PIEZO2: variants seen among roughly 807,000 people sequenced by gnomAD.
PIEZO2 encodes the protein piezo-type mechanosensitive ion channel component 2.
Under a neutral mutation model 337.3 loss-of-function variants are expected in PIEZO2, and 172 were observed. The ratio of observed to expected loss-of-function variants is 0.51; its 90% confidence interval spans 0.45 to 0.58. The LOEUF (loss-of-function observed/expected upper bound fraction) is 0.58. PIEZO2 is among the 20% of genes least tolerant of loss of function. The pLI, the probability that PIEZO2 is intolerant of heterozygous loss-of-function variation, is 0.00. For missense variants in PIEZO2, 3,028 were observed against 3,391.3 expected (o/e 0.89, Z 2.66); for synonymous variants, 1,251 against 1,228.5 (o/e 1.02, Z -0.38).
At chr18:10,936,423 T>A (rs935252897) in intron 3 of PIEZO2, among the ~76,000 whole-genome samples, 14 of 152,054 alleles carry the variant, frequency 9.2e-5, no homozygotes, top group South Asian at 2.1e-4. Flanking sequence ...AAATTTTTTT[T>A]AAAAAGAACA....
In PIEZO2 at chr18:11,002,891, T is replaced by C. The variant is rs973394918; in HGVS notation, c.161-23231A>G. 6.6e-6 allele frequency among the ~76,000 whole-genome samples: 1 copy of C among 152,180 alleles called. No homozygotes were observed. Among genetic ancestry groups the C allele is most frequent in the African/African-American group, 2.4e-5 (1 of 41,448 alleles). ...GCAGGTTCAGCAGAGAACAGACCAA[T>C]AGAAACATCCAATGGGGATGTAAAG... is the stretch of plus-strand genomic sequence containing the variant. On this transcript the variant is annotated intron_variant, in intron 2 of 55. Transcript: ENST00000674853. This position sits in a 1 kb window ranked among gnomAD's most constrained non-coding sequence, Gnocchi z 4.3.
intron 3 of PIEZO2, among the ~76,000 whole-genome samples, chr18:10,970,262 C>G (rs2034180270): frequency 6.6e-6 from 1 of 152,102 alleles, no homozygotes; most frequent in Non-Finnish European, 1.5e-5. Context: ...ATAACATGGG[C>G]AAAGGCATGG....
At position 10,954,007 on chromosome 18, in the gene PIEZO2, G is replaced by C. The variant is rs2033416334; in HGVS notation, c.286+25528C>G. Among the ~76,000 whole-genome samples the C allele has an allele frequency of 6.6e-6, 1 of 152,192 alleles. No individual in the cohort carries two copies. Among genetic ancestry groups the C allele is most frequent in the Non-Finnish European group, 1.5e-5 (1 of 68,044 alleles). On this transcript the variant is annotated intron_variant, in intron 3 of 55. Coordinates refer to ENST00000674853, the MANE Select transcript of PIEZO2 (RefSeq NM_001378183.1). This position sits in a 1 kb window ranked among gnomAD's most constrained non-coding sequence, Gnocchi z 4.2. ...ACAGGGTCACATCTGCTGAAAGCAG[G>C]GAACTCACAATATGGCCTTTAGGGT...
intron 3 of PIEZO2, among the ~76,000 whole-genome samples, chr18:10,951,201 C>T (rs1178114137): frequency 2.6e-5 from 4 of 152,086 alleles, no homozygotes; most frequent in African/African-American, 9.7e-5. Context: ...TTCCAGCTTT[C>T]CAAAACTTTA....
chr18:10,677,300 C>T lies in PIEZO2; in HGVS notation c.8081+447G>A, dbSNP rs183369543. 7.2e-5 allele frequency among the ~76,000 whole-genome samples: 11 copies of T among 152,308 alleles called. No individual in the cohort carries two copies. The highest frequency in any genetic ancestry group is 5.2e-4 in the Admixed American group (8 of 15,302). On this transcript the variant is annotated intron_variant, in intron 53 of 55. Coordinates refer to ENST00000674853, the MANE Select transcript of PIEZO2 (RefSeq NM_001378183.1). This position sits in a 1 kb window ranked among gnomAD's most constrained non-coding sequence, Gnocchi z 4.1. ...TGCTGCGATCTAGGCTCACTGCAAC[C>T]TCTGCCTCAAGAATTCAAGTGATTC...
intron 1 of PIEZO2, among the ~76,000 whole-genome samples, chr18:11,085,829 A>C (rs980250931): frequency 8.2e-6 from 1 of 121,802 alleles, no homozygotes; most frequent in Non-Finnish European, 1.6e-5. Context: ...AAAAAGTGCT[A>C]CTTTGGCAAG....
At position 10,705,450 on chromosome 18, in the gene PIEZO2, G is replaced by T; in HGVS notation, c.5885C>A (p.Ala1962Glu). ...HLSFGSQDDS[A>E]GKNRMAVSPD... ...GCTGACTGCCATACGGTTCTTGCCTGCAGAGTCGTCCTGCGAGCCGAAGGA... is the reference window on the plus strand; with the variant it reads ...GCTGACTGCCATACGGTTCTTGCCTTCAGAGTCGTCCTGCGAGCCGAAGGA... The change falls in exon 41 of 56, where the codon GCA becomes GAA. Residue 1962 changes from alanine to glutamate, a missense_variant. Physicochemically the swap from Ala to Glu is moderately radical, Grantham distance 107. Transcript: ENST00000674853. 6.5e-7 allele frequency: 1 copy of T among 1,537,256 alleles called. No individual in the cohort carries two copies. Among genetic ancestry groups the T allele is most frequent in the Non-Finnish European group, 8.7e-7 (1 of 1,146,914 alleles).
At chr18:10,774,552 A>C (rs557741218) in intron 18 of PIEZO2, among the ~76,000 whole-genome samples, 2 of 152,268 alleles carry the variant, frequency 1.3e-5, no homozygotes, top group East Asian at 3.9e-4. Context: ...CCGTGGGAAG[A>C]CTGTGTGAGA....
intron 1 of PIEZO2, among the ~76,000 whole-genome samples, chr18:11,135,353 G>A (rs1258643279): frequency 2.0e-5 from 3 of 152,176 alleles, no homozygotes; most frequent in African/African-American, 7.2e-5. Flanking sequence ...TTCTGGTGGG[G>A]AATGTACAAG....
intron 3 of PIEZO2, among the ~76,000 whole-genome samples, chr18:10,941,914 A>G (rs1383288029): frequency 6.6e-6 from 1 of 152,096 alleles, no homozygotes. Context: ...TGACTGAATC[A>G]TGGGGGGTGG....
chr18:10,780,737 A>G (rs373786622), intron 17 of PIEZO2, among the ~76,000 whole-genome samples: 3 of 141,814 alleles, frequency 2.1e-5, no homozygotes, highest in Non-Finnish European at 4.5e-5. Context: ...ATCTTAGCTC[A>G]TGGCAGCCTC....
In PIEZO2 at chr18:11,031,968, C is replaced by G. The variant is rs1305396346; in HGVS notation, c.160+34159G>C. Among the ~76,000 whole-genome samples, 1 of 152,186 alleles carries G rather than the reference C, an allele frequency of 6.6e-6. No homozygotes were observed. The highest frequency in any genetic ancestry group is 1.5e-5 in the Non-Finnish European group (1 of 68,038). On this transcript the variant is annotated intron_variant, in intron 2 of 55. Coordinates refer to ENST00000674853, the MANE Select transcript of PIEZO2 (RefSeq NM_001378183.1). The surrounding 1 kb of genome is among the most constrained non-coding windows in gnomAD (Gnocchi z 4.7). ...GTTCTCTCTCTGTCTTTCTCTGTTTCTCTCTGTCTCTCTCTCACACACATA... is the reference window on the plus strand; with the variant it reads ...GTTCTCTCTCTGTCTTTCTCTGTTTGTCTCTGTCTCTCTCTCACACACATA...
chr18:10,811,985 C>G (rs1212007006), intron 7 of PIEZO2, among the ~76,000 whole-genome samples: 1 of 152,210 alleles, frequency 6.6e-6, no homozygotes, highest in Non-Finnish European at 1.5e-5. Context: ...AGGCGCCCGC[C>G]ACCACGCCCG....
intron 2 of PIEZO2, among the ~76,000 whole-genome samples, chr18:10,998,811 T>C (rs901046322): frequency 6.6e-6 from 1 of 150,964 alleles, no homozygotes; most frequent in Admixed American, 6.6e-5. Context: ...AATTTTAGCA[T>C]GTTTTATTCA....
intron 36 of PIEZO2, among the ~76,000 whole-genome samples, chr18:10,720,401 GTGTA>G (rs1172182814): frequency 0.1 from 714 of 6,870 alleles, 11 homozygotes; most frequent in South Asian, 0.19. Flanking sequence ...GTGTGTGTGT[GTGTA>G]TGTGTATGTG....
In PIEZO2 at chr18:10,934,636, C is replaced by CGTGTGTGTGTGTGTGTGTGTGT. The variant is rs59190236; in HGVS notation, c.287-23430_287-23409dup. 3.4e-3 allele frequency among the ~76,000 whole-genome samples: 444 copies of CGTGTGTGTGTGTGTGTGTGTGT among 130,812 alleles called. 12 individuals carry two copies. The highest frequency in any genetic ancestry group is 9.1e-3 in the African/African-American group (308 of 34,022). 85.8% of individuals were successfully genotyped at this position (130,812 alleles called of 152,430 possible). On this transcript the variant is annotated intron_variant, in intron 3 of 55. Coordinates refer to ENST00000674853, the MANE Select transcript of PIEZO2 (RefSeq NM_001378183.1). ...TTAGGAATTGTCAGTATTGTGTGTA[C>CGTGTGTGTGTGTGTGTGTGTGT]GTGTGTGTGTGTGTGTGTGTGTGTG...
chr18:10,944,243 A>C (rs2032884491), intron 3 of PIEZO2, among the ~76,000 whole-genome samples: 1 of 152,154 alleles, frequency 6.6e-6, no homozygotes, highest in African/African-American at 2.4e-5. Context: ...ATGAAAGCTC[A>C]AAAGAAATTA....
chr18:11,045,295 CAAA>C (rs58924653), intron 2 of PIEZO2, among the ~76,000 whole-genome samples: 251 of 52,310 alleles, frequency 4.8e-3, no homozygotes, highest in African/African-American at 7.0e-3. Context: ...GACTCCGTCT[CAAA>C]AAAAAAAAAA....
At chr18:10,804,833 T>C (rs147139616) in intron 8 of PIEZO2, among the ~76,000 whole-genome samples, 80 of 152,348 alleles carry the variant, frequency 5.3e-4, no homozygotes, top group African/African-American at 1.9e-3. Flanking sequence ...GGAACTATGA[T>C]ATAATCAGCT....
Sources: allele counts gnomAD v4.1 joint callset (sites outside exome capture counted in the v4.1 genomes callset), GRCh38; gene constraint gnomAD v4.1.1; non-coding constraint Gnocchi (gnomAD v3.1); transcripts MANE v1.5; gene names NCBI Gene and HGNC (gene_info 2026-07-23, HGNC 2026-07-21).